DYRK1A: variants seen among roughly 807,000 people sequenced by gnomAD.
DYRK1A encodes dual specificity tyrosine-phosphorylation-regulated kinase 1A.
In DYRK1A, 9 loss-of-function variants were observed where a neutral mutation model predicts 79.7. That is an observed-to-expected ratio of 0.11 (90% CI 0.07 to 0.20). The LOEUF is 0.20. Ranked by LOEUF, DYRK1A falls within the 10% of genes least tolerant of loss-of-function variation. The pLI is 1.00. For synonymous variants in DYRK1A, 349 were observed against 329.7 expected (o/e 1.06, Z -0.63); for missense variants, 622 against 956.0 (o/e 0.65, Z 4.61).
In DYRK1A at chr21:37,503,118, T is replaced by C. The variant is rs947237177; in HGVS notation, c.1213-2165T>C. ...TAGGTATGATTTTCTTTGTATTTTT[T>C]CTCCTGGGAGTTCACTGAGTTTCTT... On this transcript the variant is annotated intron_variant, in intron 9 of 11. Transcript: ENST00000647188. 4 of 152,166 alleles carry C rather than the reference T, an allele frequency of 2.6e-5. No homozygotes were observed. The East Asian group carries it at 5.8e-4, about 22-fold the overall frequency. The allele number at this position is 152,166 out of a possible 1,614,324, so 9.4% of individuals were successfully genotyped here.
At chr21:37,448,689 A>T (rs989105536) in intron 2 of DYRK1A, among the ~76,000 whole-genome samples, 3 of 152,018 alleles carry the variant, frequency 2.0e-5, no homozygotes, top group Admixed American at 2.0e-4. Flanking sequence ...AGTATTTAAA[A>T]TTTTTTTTGT....
At chr21:37,469,619 T>C (rs1017464309) in intron 2 of DYRK1A, among the ~76,000 whole-genome samples, 13 of 151,998 alleles carry the variant, frequency 8.6e-5, no homozygotes, top group African/African-American at 3.1e-4. Context: ...GCAGAAGGCG[T>C]TGGAGAAGCA....
chr21:37,376,620 C>CT (rs1179189127), intron 1 of DYRK1A, among the ~76,000 whole-genome samples: 1 of 152,120 alleles, frequency 6.6e-6, no homozygotes, highest in Non-Finnish European at 1.5e-5. Flanking sequence ...CTTCCTATCA[C>CT]TGAGAGTGTT....
chr21:37,474,716 T>A (rs2052339925), intron 3 of DYRK1A, among the ~76,000 whole-genome samples: 1 of 152,250 alleles, frequency 6.6e-6, no homozygotes. Flanking sequence ...TTATTTAATT[T>A]TCATTGTTTC....
At chr21:37,375,084 A>G (rs2049510755) in intron 1 of DYRK1A, 1 of 152,220 alleles carries the variant, frequency 6.6e-6, no homozygotes, top group Non-Finnish European at 1.5e-5. Flanking sequence ...TACAGAGTGC[A>G]GTGGGATTTT....
At chr21:37,508,714 C>T (rs1453016432) in intron 11 of DYRK1A, among the ~76,000 whole-genome samples, 1 of 152,200 alleles carries the variant, frequency 6.6e-6, no homozygotes. Context: ...CCTCTTCACT[C>T]ACCCTAGTCA....
Position 37,516,541 on chromosome 21 carries a change from T to C in DYRK1A, c.*4010T>C, listed in dbSNP as rs926918434. 8 of 152,246 alleles carry C rather than the reference T, an allele frequency of 5.3e-5. No individual in the cohort carries two copies. Among genetic ancestry groups the C allele is most frequent in the Non-Finnish European group, 1.5e-5 (1 of 68,050 alleles). The allele number at this position is 152,246 out of a possible 1,614,324, so 9.4% of individuals were successfully genotyped here. On this transcript the variant is annotated 3_prime_UTR_variant, in exon 12 of 12. Coordinates refer to ENST00000647188, the MANE Select transcript of DYRK1A (RefSeq NM_001347721.2). ...TATCCTCCCTTTTAATGACTAACCT[T>C]AATCCAAATGAATCCACTGAGAACC...
intron 1 of DYRK1A, among the ~76,000 whole-genome samples, chr21:37,403,649 A>G (rs1569295371): frequency 2.5e-5 from 2 of 80,566 alleles, no homozygotes; most frequent in Non-Finnish European, 5.0e-5. Context: ...AAAAAAAAAA[A>G]TATATATATA....
At chr21:37,440,130 CTTTTTTTTTTTTTTTTT>C (rs1164986221) in intron 2 of DYRK1A, among the ~76,000 whole-genome samples, 1 of 37,744 alleles carries the variant, frequency 2.6e-5, no homozygotes, top group Non-Finnish European at 5.2e-5. Flanking sequence ...TTGTTTGCTC[CTTTTTTTTTTTTTTTTT>C]TTTTTTGAGA....
chr21:37,379,448 C>T (rs948120169), intron 1 of DYRK1A, among the ~76,000 whole-genome samples: 1 of 152,158 alleles, frequency 6.6e-6, no homozygotes, highest in Non-Finnish European at 1.5e-5. Context: ...TGGCAGTATA[C>T]TAAAAGGTTC....
chr21:37,389,308 C>T (rs1035851672), intron 1 of DYRK1A, among the ~76,000 whole-genome samples: 5 of 151,230 alleles, frequency 3.3e-5, no homozygotes, highest in South Asian at 4.2e-4. Flanking sequence ...GGAATATAGG[C>T]GTACACCACC....
At chr21:37,397,566 TTC>T (rs2049979228) in intron 1 of DYRK1A, among the ~76,000 whole-genome samples, 1 of 152,176 alleles carries the variant, frequency 6.6e-6, no homozygotes, top group Admixed American at 6.5e-5. Context: ...GAACCTATAG[TTC>T]TCTTCAGTAA....
chr21:37,476,530 A>AAC (rs1307395525), intron 3 of DYRK1A, among the ~76,000 whole-genome samples: 8 of 152,218 alleles, frequency 5.3e-5, no homozygotes, highest in Non-Finnish European at 7.3e-5. Context: ...TACTGAATAA[A>AAC]CTACCTACAT....
intron 2 of DYRK1A, among the ~76,000 whole-genome samples, chr21:37,468,768 A>AT (rs1220843529): frequency 6.6e-6 from 1 of 152,092 alleles, no homozygotes; most frequent in Admixed American, 6.6e-5. Flanking sequence ...AAGGTAATAG[A>AT]TTTTTTTCAT....
intron 1 of DYRK1A, among the ~76,000 whole-genome samples, chr21:37,396,517 A>T (rs573838764): frequency 8.6e-4 from 123 of 142,690 alleles, no homozygotes; most frequent in African/African-American, 2.3e-3. Context: ...AAATTAATCC[A>T]AAGTTTTTTT....
chr21:37,495,992 C>A, intron 8 of DYRK1A, 126 bp from the exon 9 acceptor site: 1 of 839,956 alleles, frequency 1.2e-6, no homozygotes, highest in Non-Finnish European at 1.9e-6. Context: ...TTACTGTATG[C>A]TGGATGTCTA....
At position 37,506,240 on chromosome 21, in the gene DYRK1A, T is replaced by G. The variant is rs369193172; in HGVS notation, c.1644+17T>G. On this transcript the variant is annotated intron_variant, in intron 11 of 11. Coordinates refer to ENST00000647188, the MANE Select transcript of DYRK1A (RefSeq NM_001347721.2). Reference sequence around the variant, plus strand: ...AGTCCCCAGGTGAGCTCGCACGTGGTTCATTTGCTTGTGTCACCTGCCATT... The same window carrying G: ...AGTCCCCAGGTGAGCTCGCACGTGGGTCATTTGCTTGTGTCACCTGCCATT... The G allele has an allele frequency of 2.1e-5, 34 of 1,613,820 alleles. No individual in the cohort carries two copies. Among genetic ancestry groups the G allele is most frequent in the Non-Finnish European group, 2.9e-5 (34 of 1,179,964 alleles).
chr21:37,502,200 G>C (rs1431702916), intron 9 of DYRK1A: 1 of 152,008 alleles, frequency 6.6e-6, no homozygotes, highest in Non-Finnish European at 1.5e-5. Context: ...AATTATTTTT[G>C]TGTTGTGTGC....
Position 37,480,744 on chromosome 21 carries a change from A to G in DYRK1A, c.407A>G (p.Tyr136Cys), listed in dbSNP as rs1569363929. The change falls in exon 5 of 12, where the codon TAT becomes TGT. Residue 136 changes from tyrosine to cysteine, a missense_variant. Coordinates refer to ENST00000647188, the MANE Select transcript of DYRK1A (RefSeq NM_001347721.2). ...VYNDGYDDDN[Y>C]DYIVKNGEKW... Reference sequence around the variant, plus strand: ...AATGATGGTTATGATGATGATAACTATGATTATATTGTAAAAAACGGAGAA... The same window carrying G: ...AATGATGGTTATGATGATGATAACTGTGATTATATTGTAAAAAACGGAGAA... The G allele has an allele frequency of 1.9e-6, 3 of 1,612,982 alleles. No individual in the cohort carries two copies. The highest frequency in any genetic ancestry group is 2.7e-5 in the African/African-American group (2 of 74,898).
Sources: allele counts gnomAD v4.1 joint callset (sites outside exome capture counted in the v4.1 genomes callset), GRCh38; gene constraint gnomAD v4.1.1; transcripts MANE v1.5; gene names NCBI Gene and HGNC (gene_info 2026-07-23, HGNC 2026-07-21).